Variants in UNCX observed in about 807,000 individuals in gnomAD.
The protein encoded by UNCX is homeobox protein unc-4 homolog.
Under a neutral mutation model 14.8 loss-of-function variants are expected in UNCX, and 4 were observed. That is an observed-to-expected ratio of 0.27 (90% confidence interval 0.13 to 0.62). The LOEUF is 0.62. Ranked by LOEUF, UNCX falls within the 20% of genes least tolerant of loss-of-function variation. The pLI, the probability that UNCX is intolerant of heterozygous loss-of-function variation, is 0.86. For synonymous variants in UNCX, 459 were observed against 395.8 expected (o/e 1.16, Z -1.90); for missense variants, 749 against 786.8 (o/e 0.95, Z 0.58).
Position 1,236,579 on chromosome 7 carries a change from G to A in UNCX, c.1198G>A (p.Ala400Thr), listed in dbSNP as rs779314736. 6.9e-6 allele frequency: 9 copies of A among 1,298,934 alleles called. No homozygotes were observed. Among genetic ancestry groups the A allele is most frequent in the African/African-American group, 1.6e-5 (1 of 63,412 alleles). 80.5% of individuals were successfully genotyped at this position (1,298,934 alleles called of 1,614,324 possible). Residue 400 changes from alanine to threonine, a missense_variant, in exon 3 of 3, where the codon GCG (alanine) becomes ACG (threonine). This residue lies in a region of UNCX where 552 missense variants were observed against 507.2 expected (regional missense o/e 1.09). Transcript: ENST00000316333. This position sits in a 1 kb window ranked among gnomAD's most constrained non-coding sequence, Gnocchi z 6.9. Reference sequence around the variant, plus strand: ...GCCGCAGGCCGCGCTCAAGGGCGGCGCGGGCCTGGAGCCGGCGCCCAAGGA... The same window carrying A: ...GCCGCAGGCCGCGCTCAAGGGCGGCACGGGCCTGGAGCCGGCGCCCAAGGA... ...LVPQAALKGG[A>T]GLEPAPKDAP...
In UNCX at chr7:1,233,421, C is replaced by CT. The variant is rs1024883644; in HGVS notation, c.275-99_275-98insT. On this transcript the variant is annotated intron_variant, in intron 1 of 2. Coordinates refer to ENST00000316333, the MANE Select transcript of UNCX (RefSeq NM_001080461.3). The surrounding 1 kb of genome is among the most constrained non-coding windows in gnomAD (Gnocchi z 5.3). ...CCTAGGCGGCCGTCTCTGCGCCCCC[C>CT]CCCCCGGATCCAGGCGGCCAGCGGG... 2.3e-5 allele frequency: 32 copies of CT among 1,376,154 alleles called. No individual in the cohort carries two copies. Among genetic ancestry groups the CT allele is most frequent in the Admixed American group, 1.6e-4 (5 of 30,532 alleles). 85.2% of individuals were successfully genotyped at this position (1,376,154 alleles called of 1,614,324 possible).
In UNCX at chr7:1,233,866, G is replaced by T. The variant is rs1414303909; in HGVS notation, c.450+171G>T. ...GGGGTTCTGGGGCTCGGCCCCTCAC[G>T]GACAGCGGGGTGGGTAACTGCCCCC... On this transcript the variant is annotated intron_variant, in intron 2 of 2. Transcript: ENST00000316333. The surrounding 1 kb of genome is among the most constrained non-coding windows in gnomAD (Gnocchi z 5.3). Among the ~76,000 whole-genome samples the T allele has an allele frequency of 2.0e-5, 3 of 152,222 alleles. No homozygotes were observed. Among genetic ancestry groups the T allele is most frequent in the African/African-American group, 7.2e-5 (3 of 41,450 alleles).
rs1011571250 is a variant in UNCX, at chr7:1,235,750, G to C, written c.451-82G>C. The C allele has an allele frequency of 2.0e-5, 26 of 1,313,656 alleles. No homozygotes were observed. In the South Asian group the frequency reaches 2.5e-4, roughly 13 times the overall value. The allele number at this position is 1,313,656 out of a possible 1,614,324, so 81.4% of individuals were successfully genotyped here. A position where few individuals can be genotyped will look rare whatever the true frequency, so the allele number is the denominator to read the frequency against. ...GAGCGGAGGTTGTGCAGGCCCCTCT[G>C]GGGGGAGCGGGGAGGTCCTCGGCCC... On this transcript the variant is annotated intron_variant, in intron 2 of 2. Transcript: ENST00000316333.
In UNCX at chr7:1,233,133, AC is replaced by A; in HGVS notation, c.118del (p.Gln40SerfsTer103). 6.8e-7 allele frequency: 1 copy of A among 1,463,600 alleles called. No individual in the cohort carries two copies. The allele number at this position is 1,463,600 out of a possible 1,614,324, so 90.7% of individuals were successfully genotyped here. A position where few individuals can be genotyped will look rare whatever the true frequency, so the allele number is the denominator to read the frequency against. On this transcript the variant is annotated frameshift_variant, in exon 1 of 3. Transcript: ENST00000316333. LOFTEE classifies it high-confidence loss of function. The surrounding 1 kb of genome is among the most constrained non-coding windows in gnomAD (Gnocchi z 5.3). ...GHHHVYELAG[H>X]QLQSAAAAAS... ...CACCACGTGTACGAGCTGGCCGGGC[AC>A]CAGCTGCAGTCGGCCGCCGCCGCCG...
In UNCX at chr7:1,236,865, C is replaced by T. The variant is rs1247958444; in HGVS notation, c.1484C>T (p.Pro495Leu). Residue 495 changes from proline (P) to leucine (L), a missense_variant, in exon 3 of 3, where the codon CCC (proline) becomes CTC (leucine). Physicochemically the swap from Pro to Leu is moderately conservative, Grantham distance 98. Transcript: ENST00000316333. This position sits in a 1 kb window ranked among gnomAD's most constrained non-coding sequence, Gnocchi z 6.9. ...APPPPAPSPR[P>L]GPRPPSPAEE... The stretch of plus-strand genomic sequence containing the variant: ...CCGCCGCCCGCGCCGTCGCCCAGGC[C>T]CGGCCCTCGGCCTCCCAGCCCCGCC... 5.7e-6 allele frequency: 6 copies of T among 1,045,438 alleles called. No individual in the cohort carries two copies. The highest frequency in any genetic ancestry group is 6.9e-6 in the Non-Finnish European group (6 of 870,482). 64.8% of individuals were successfully genotyped at this position (1,045,438 alleles called of 1,614,324 possible).
rs775583649 is a variant in UNCX, at chr7:1,236,499, T to C, written c.1118T>C (p.Ile373Thr). ...CTGCCGTGCGCGCCGCGGACCCTGA[T>C]CGGCAAGGGCCACTTCCTCCTCTAC... ...PGLPCAPRTL[I>T]GKGHFLLYPI... Residue 373 changes from isoleucine to threonine, a missense_variant, in exon 3 of 3, where the codon ATC becomes ACC. By Grantham distance (89) the Ile-to-Thr change is moderately conservative. This residue lies in a region of UNCX where 552 missense variants were observed against 507.2 expected (regional missense o/e 1.09). Transcript: ENST00000316333. The surrounding 1 kb of genome is among the most constrained non-coding windows in gnomAD (Gnocchi z 6.9). 2.1e-6 allele frequency: 3 copies of C among 1,400,436 alleles called. No individual in the cohort carries two copies. The African/African-American group carries it at 4.6e-5, about 21-fold the overall frequency. The allele number at this position is 1,400,436 out of a possible 1,614,324, so 86.8% of individuals were successfully genotyped here.
Position 1,233,585 on chromosome 7 carries a change from G to A in UNCX, c.340G>A (p.Gly114Ser), listed in dbSNP as rs1195721306. 2 of 1,612,924 alleles carry A rather than the reference G, an allele frequency of 1.2e-6. No individual in the cohort carries two copies. Among genetic ancestry groups the A allele is most frequent in the Non-Finnish European group, 8.5e-7 (1 of 1,179,844 alleles). ...KRRRTRTNFTGWQLEELEKAF... is the reference protein window; with the variant it reads ...KRRRTRTNFTSWQLEELEKAF... Reference sequence around the variant, plus strand: ...GCGGCGCACCCGCACCAACTTCACCGGCTGGCAGCTGGAGGAGCTGGAGAA... The same window carrying A: ...GCGGCGCACCCGCACCAACTTCACCAGCTGGCAGCTGGAGGAGCTGGAGAA... The change falls in exon 2 of 3, where the codon GGC (glycine) becomes AGC (serine). Residue 114 changes from glycine to serine, a missense_variant. Physicochemically the swap from Gly to Ser is moderately conservative, Grantham distance 56 (BLOSUM62 0). Coordinates refer to ENST00000316333, the MANE Select transcript of UNCX (RefSeq NM_001080461.3). This position sits in a 1 kb window ranked among gnomAD's most constrained non-coding sequence, Gnocchi z 5.3.
chr7:1,236,584 C>A lies in UNCX; in HGVS notation c.1203C>A (p.Gly401=). ...VPQAALKGGA[G]LEPAPKDAPP... Reference sequence around the variant, plus strand: ...AGGCCGCGCTCAAGGGCGGCGCGGGCCTGGAGCCGGCGCCCAAGGACGCGC... The same window carrying A: ...AGGCCGCGCTCAAGGGCGGCGCGGGACTGGAGCCGGCGCCCAAGGACGCGC... The change falls in exon 3 of 3, where the codon GGC becomes GGA. Residue 401 remains glycine, a synonymous_variant. Coordinates refer to ENST00000316333, the MANE Select transcript of UNCX (RefSeq NM_001080461.3). The surrounding 1 kb of genome is among the most constrained non-coding windows in gnomAD (Gnocchi z 6.9). 3.3e-6 allele frequency: 4 copies of A among 1,219,084 alleles called. No individual in the cohort carries two copies. The highest frequency in any genetic ancestry group is 4.1e-6 in the Non-Finnish European group (4 of 975,878). The allele number at this position is 1,219,084 out of a possible 1,614,324, so 75.5% of individuals were successfully genotyped here. A position where few individuals can be genotyped will look rare whatever the true frequency, so the allele number is the denominator to read the frequency against.
In UNCX at chr7:1,233,092, C is replaced by CA; in HGVS notation, c.75_76insA (p.Tyr26IlefsTer537). 1 of 1,456,070 alleles carries CA rather than the reference C, an allele frequency of 6.9e-7. No individual in the cohort carries two copies. Among genetic ancestry groups the CA allele is most frequent in the Non-Finnish European group, 9.0e-7 (1 of 1,106,356 alleles). The allele number at this position is 1,456,070 out of a possible 1,614,324, so 90.2% of individuals were successfully genotyped here. ...CGCTGGGCGGCGTGGTGGGCTTCCC[C>CA]TACCCGCTGGGCCACCACCACGTGT... On this transcript the variant is annotated frameshift_variant, in exon 1 of 3. Transcript: ENST00000316333. LOFTEE classifies it high-confidence loss of function. The surrounding 1 kb of genome is among the most constrained non-coding windows in gnomAD (Gnocchi z 5.3).
rs748695309 is a variant in UNCX, at chr7:1,233,252, T to C, written c.235T>C (p.Cys79Arg). The C allele has an allele frequency of 3.0e-6, 4 of 1,355,398 alleles. No homozygotes were observed. In the South Asian group the frequency reaches 5.3e-5, roughly 18 times the overall value. The allele number at this position is 1,355,398 out of a possible 1,614,324, so 84.0% of individuals were successfully genotyped here. A position where few individuals can be genotyped will look rare whatever the true frequency, so the allele number is the denominator to read the frequency against. The change falls in exon 1 of 3, where the codon TGC (cysteine) becomes CGC (arginine). Residue 79 changes from cysteine to arginine, a missense_variant. Physicochemically the swap from Cys to Arg is radical, Grantham distance 180 (BLOSUM62 -3). Transcript: ENST00000316333. The surrounding 1 kb of genome is among the most constrained non-coding windows in gnomAD (Gnocchi z 5.3). ...VNPTPLLPAA[C>R]GVGGDGQPFK... ...CCCCACGCCGCTGCTGCCAGCCGCC[T>C]GCGGGGTCGGCGGGGACGGCCAGCC...
chr7:1,236,259 C>T lies in UNCX; in HGVS notation c.878C>T (p.Ala293Val). Residue 293 changes from alanine (A) to valine (V), a missense_variant, in exon 3 of 3, where the codon GCC becomes GTC. By Grantham distance (64) the Ala-to-Val change is moderately conservative (BLOSUM62 0). Coordinates refer to ENST00000316333, the MANE Select transcript of UNCX (RefSeq NM_001080461.3). This position sits in a 1 kb window ranked among gnomAD's most constrained non-coding sequence, Gnocchi z 6.9. ...PAFYPSQRSG[A>V]GPQPRPGRPA... Reference sequence around the variant, plus strand: ...TTCTACCCGAGCCAAAGAAGCGGCGCCGGCCCACAGCCGCGCCCAGGTCGC... The same window carrying T: ...TTCTACCCGAGCCAAAGAAGCGGCGTCGGCCCACAGCCGCGCCCAGGTCGC... The T allele has an allele frequency of 7.3e-7, 1 of 1,379,068 alleles. No homozygotes were observed. Among genetic ancestry groups the T allele is most frequent in the Non-Finnish European group, 9.4e-7 (1 of 1,059,068 alleles). 85.4% of individuals were successfully genotyped at this position (1,379,068 alleles called of 1,614,324 possible).
Position 1,236,109 on chromosome 7 carries a change from C to T in UNCX, c.728C>T (p.Ser243Phe), listed in dbSNP as rs746488677. ...AGCGACAGCGGCGGCGGCGGCCTGT[C>T]TCCGGAGCCGCCCGAGCCGCCGCCG... ...SDSDSGGGGL[S>F]PEPPEPPPPA... The change falls in exon 3 of 3, where the codon TCT becomes TTT. Residue 243 changes from serine (S) to phenylalanine (F), a missense_variant. Transcript: ENST00000316333. This position sits in a 1 kb window ranked among gnomAD's most constrained non-coding sequence, Gnocchi z 6.9. 7.0e-7 allele frequency: 1 copy of T among 1,424,804 alleles called. No homozygotes were observed. The highest frequency in any genetic ancestry group is 1.5e-5 in the South Asian group (1 of 66,668). The allele number at this position is 1,424,804 out of a possible 1,614,324, so 88.3% of individuals were successfully genotyped here. A position where few individuals can be genotyped will look rare whatever the true frequency, so the allele number is the denominator to read the frequency against.
In UNCX at chr7:1,233,381, G is replaced by A. The variant is rs942507872; in HGVS notation, c.274+90G>A. Reference sequence around the variant, plus strand: ...AGGCGCTGGGGGGCCCGGGGCTGGCGAAGGAGAGCCGGCTCCTAGGCGGCC... The same window carrying A: ...AGGCGCTGGGGGGCCCGGGGCTGGCAAAGGAGAGCCGGCTCCTAGGCGGCC... On this transcript the variant is annotated intron_variant, in intron 1 of 2. Coordinates refer to ENST00000316333, the MANE Select transcript of UNCX (RefSeq NM_001080461.3). The surrounding 1 kb of genome is among the most constrained non-coding windows in gnomAD (Gnocchi z 5.3). 7.5e-7 allele frequency: 1 copy of A among 1,331,280 alleles called. No homozygotes were observed. The highest frequency in any genetic ancestry group is 1.6e-5 in the African/African-American group (1 of 62,658). 82.5% of individuals were successfully genotyped at this position (1,331,280 alleles called of 1,614,324 possible).
intron 2 of UNCX, among the ~76,000 whole-genome samples, chr7:1,235,086 G>A (rs1778713148): frequency 6.6e-6 from 1 of 152,228 alleles, no homozygotes; most frequent in African/African-American, 2.4e-5. Context: ...GAGACGCGAT[G>A]GGCCCAGCCT....
In UNCX at chr7:1,233,421, C is replaced by CCA. The variant is rs1554251743; in HGVS notation, c.275-98_275-97insAC. The stretch of plus-strand genomic sequence containing the variant: ...CCTAGGCGGCCGTCTCTGCGCCCCC[C>CCA]CCCCCGGATCCAGGCGGCCAGCGGG... On this transcript the variant is annotated intron_variant, in intron 1 of 2. Coordinates refer to ENST00000316333, the MANE Select transcript of UNCX (RefSeq NM_001080461.3). This position sits in a 1 kb window ranked among gnomAD's most constrained non-coding sequence, Gnocchi z 5.3. 7.8e-5 allele frequency: 108 copies of CCA among 1,376,074 alleles called. No homozygotes were observed. Among genetic ancestry groups the CCA allele is most frequent in the Middle Eastern group, 2.7e-4 (1 of 3,758 alleles). 85.2% of individuals were successfully genotyped at this position (1,376,074 alleles called of 1,614,324 possible). A position where few individuals can be genotyped will look rare whatever the true frequency, so the allele number is the denominator to read the frequency against.
In UNCX at chr7:1,236,938, AC is replaced by A; in HGVS notation, c.1560del (p.Ser521AlafsTer21). 1 of 1,194,410 alleles carries A rather than the reference AC, an allele frequency of 8.4e-7. No individual in the cohort carries two copies. Among genetic ancestry groups the A allele is most frequent in the Non-Finnish European group, 1.0e-6 (1 of 963,886 alleles). 74.0% of individuals were successfully genotyped at this position (1,194,410 alleles called of 1,614,324 possible). Reference sequence around the variant, plus strand: ...TTCCCGAGCCTGGCGCGGCGGCCGGACCCAGCCCGCCGGAGGGCGAGGAGCT... The same window carrying A: ...TTCCCGAGCCTGGCGCGGCGGCCGGACCAGCCCGCCGGAGGGCGAGGAGCT... ...GVPEPGAAAG[P>X]SPPEGEELDM... On this transcript the variant is annotated frameshift_variant, in exon 3 of 3. Coordinates refer to ENST00000316333, the MANE Select transcript of UNCX (RefSeq NM_001080461.3). LOFTEE classifies it high-confidence loss of function. This position sits in a 1 kb window ranked among gnomAD's most constrained non-coding sequence, Gnocchi z 6.9.
chr7:1,235,891 G>C lies in UNCX; in HGVS notation c.510G>C (p.Pro170=). 2.5e-6 allele frequency: 4 copies of C among 1,612,298 alleles called. No individual in the cohort carries two copies. The highest frequency in any genetic ancestry group is 2.5e-6 in the Non-Finnish European group (3 of 1,179,676). The change falls in exon 3 of 3, where the codon CCG becomes CCC. Residue 170 remains proline (P), a synonymous_variant. Coordinates refer to ENST00000316333, the MANE Select transcript of UNCX (RefSeq NM_001080461.3). ...WRKKENTKKG[P]GRPAHNSHPT... ...AGAAGGAGAACACGAAAAAGGGCCCGGGGCGGCCGGCGCACAACTCGCACC... is the reference window on the plus strand; with the variant it reads ...AGAAGGAGAACACGAAAAAGGGCCCCGGGCGGCCGGCGCACAACTCGCACC...
chr7:1,236,255 G>C lies in UNCX; in HGVS notation c.874G>C (p.Gly292Arg), dbSNP rs1778738263. ...DPAFYPSQRS[G>R]AGPQPRPGRP... ...CGCCTTCTACCCGAGCCAAAGAAGCGGCGCCGGCCCACAGCCGCGCCCAGG... is the reference window on the plus strand; with the variant it reads ...CGCCTTCTACCCGAGCCAAAGAAGCCGCGCCGGCCCACAGCCGCGCCCAGG... The change falls in exon 3 of 3, where the codon GGC becomes CGC. Residue 292 changes from glycine to arginine, a missense_variant. By Grantham distance (125) the Gly-to-Arg change is moderately radical (BLOSUM62 -2). Around this residue, in one of 3 missense-constraint regions of UNCX, gnomAD observed 552 missense variants for 507.2 expected, o/e 1.09. Coordinates refer to ENST00000316333, the MANE Select transcript of UNCX (RefSeq NM_001080461.3). The surrounding 1 kb of genome is among the most constrained non-coding windows in gnomAD (Gnocchi z 6.9). 4 of 1,376,468 alleles carry C rather than the reference G, an allele frequency of 2.9e-6. No homozygotes were observed. In the East Asian group the frequency reaches 1.5e-4, roughly 52 times the overall value. 85.3% of individuals were successfully genotyped at this position (1,376,468 alleles called of 1,614,324 possible). A position where few individuals can be genotyped will look rare whatever the true frequency, so the allele number is the denominator to read the frequency against.
At position 1,233,368 on chromosome 7, in the gene UNCX, G is replaced by A. The variant is rs909713722; in HGVS notation, c.274+77G>A. 5 of 1,325,190 alleles carry A rather than the reference G, an allele frequency of 3.8e-6. No individual in the cohort carries two copies. The highest frequency in any genetic ancestry group is 3.2e-5 in the African/African-American group (2 of 63,198). The allele number at this position is 1,325,190 out of a possible 1,614,324, so 82.1% of individuals were successfully genotyped here. A position where few individuals can be genotyped will look rare whatever the true frequency, so the allele number is the denominator to read the frequency against. ...CCTGGTCCGGCCGAGGCGCTGGGGG[G>A]CCCGGGGCTGGCGAAGGAGAGCCGG... On this transcript the variant is annotated intron_variant, in intron 1 of 2. Transcript: ENST00000316333. The surrounding 1 kb of genome is among the most constrained non-coding windows in gnomAD (Gnocchi z 5.3).
Sources: allele counts gnomAD v4.1 joint callset (sites outside exome capture counted in the v4.1 genomes callset), GRCh38; gene constraint gnomAD v4.1.1; regional missense constraint gnomAD v4.1.1; non-coding constraint Gnocchi (gnomAD v3.1); transcripts MANE v1.5; gene names NCBI Gene and HGNC (gene_info 2026-07-23, HGNC 2026-07-21).